C4orf50: variants seen among roughly 807,000 people sequenced by gnomAD.
The protein encoded by C4orf50 is chromosome 4 open reading frame 50.
In C4orf50, 80 loss-of-function variants were observed where a neutral mutation model predicts 77.2. The ratio of observed to expected loss-of-function variants is 1.04; its 90% CI spans 0.87 to 1.25. The LOEUF is 1.25. Ranked by LOEUF, C4orf50 falls within the 50% of genes most tolerant of loss-of-function variation. The pLI is 0.00. For synonymous variants in C4orf50, 532 were observed against 465.3 expected, an observed-to-expected ratio of 1.14 and a Z score of -1.84; for missense variants, 1,257 against 1,152.9, an observed-to-expected ratio of 1.09 and a Z score of -1.31.
At chr4:5,948,713 T>G (rs553038215) in intron 7 of C4orf50, among the ~76,000 whole-genome samples, 1 of 151,546 alleles carries the variant, frequency 6.6e-6, no homozygotes, top group South Asian at 2.1e-4. Flanking sequence ...GGGAATTGCT[T>G]GAACCGGGAG....
At position 5,938,550 on chromosome 4, in the gene C4orf50, T is replaced by C. The variant is rs564830256; in HGVS notation, c.*2474+18351A>G. Among the ~76,000 whole-genome samples, 162 of 150,734 alleles carry C rather than the reference T, an allele frequency of 1.1e-3. 2 individuals carry two copies. Among genetic ancestry groups the C allele is most frequent in the African/African-American group, 3.9e-3 (158 of 41,030 alleles). Reference sequence around the variant, plus strand: ...GAATAAGAAACAATATTAGGGTGGTTTTGTAATCAGTTTACTAGGTCCCTT... The same window carrying C: ...GAATAAGAAACAATATTAGGGTGGTCTTGTAATCAGTTTACTAGGTCCCTT... On this transcript the variant is annotated intron_variant, in intron 7 of 7. Transcript: ENST00000324058.
At chr4:5,918,845 T>A (rs1243097345) in intron 7 of C4orf50, among the ~76,000 whole-genome samples, 1 of 152,156 alleles carries the variant, frequency 6.6e-6, no homozygotes, top group Non-Finnish European at 1.5e-5. Context: ...AAAGTGTCCC[T>A]CCCTGGACCA....
intron 7 of C4orf50, among the ~76,000 whole-genome samples, chr4:5,926,326 G>A (rs1265675881): frequency 2.0e-5 from 3 of 152,164 alleles, no homozygotes; most frequent in African/African-American, 4.8e-5. Flanking sequence ...TAGGTGAAAG[G>A]AAACAGACAC....
chr4:5,917,230 G>A (rs1198585331), intron 7 of C4orf50, among the ~76,000 whole-genome samples: 1 of 152,132 alleles, frequency 6.6e-6, no homozygotes, highest in Admixed American at 6.5e-5. Flanking sequence ...ACACAGCCCT[G>A]CTTAGCCAGC....
intron 7 of C4orf50, among the ~76,000 whole-genome samples, chr4:5,918,475 G>A (rs905378983): frequency 3.3e-5 from 5 of 152,232 alleles, no homozygotes; most frequent in Admixed American, 2.0e-4. Context: ...GGATTTGCAA[G>A]TGGCTTAAGT....
chr4:5,990,128 C>T lies in C4orf50; in HGVS notation c.1918G>A (p.Glu640Lys), dbSNP rs546035776. ...ACCCTTTCCCTCCTGCTCAGGGATT[C>T]GGGACCCTCCTTTGATACTGAGGCC... Residue 640 changes from glutamate to lysine, a missense_variant, in exon 28 of 34, where the codon GAA (glutamate) becomes AAA (lysine). Transcript: ENST00000531445. 716 of 1,269,074 alleles carry T rather than the reference C, an allele frequency of 5.6e-4. 2 individuals are homozygous for T. Among genetic ancestry groups the T allele is most frequent in the Middle Eastern group, 5.1e-3 (17 of 3,310 alleles). The allele number at this position is 1,269,074 out of a possible 1,614,324, so 78.6% of individuals were successfully genotyped here.
chr4:5,986,967 A>G (rs1238841151), intron 28 of C4orf50, among the ~76,000 whole-genome samples: 2 of 152,226 alleles, frequency 1.3e-5, no homozygotes, highest in Non-Finnish European at 2.9e-5. Flanking sequence ...AACAGACTTC[A>G]TCTCAAAATG....
At chr4:5,920,519 C>T (rs1404959521) in intron 7 of C4orf50, among the ~76,000 whole-genome samples, 1 of 150,602 alleles carries the variant, frequency 6.6e-6, no homozygotes, top group African/African-American at 2.4e-5. Context: ...CTCTGTCACC[C>T]AGGCTGGAGT....
At chr4:5,934,283 T>C (rs893038331) in intron 7 of C4orf50, among the ~76,000 whole-genome samples, 2 of 152,190 alleles carry the variant, frequency 1.3e-5, no homozygotes, top group Non-Finnish European at 2.9e-5. Context: ...ACATTGGTCC[T>C]TTCCAGGTCC....
intron 7 of C4orf50, among the ~76,000 whole-genome samples, chr4:5,930,490 G>C (rs1717718625): frequency 6.6e-6 from 1 of 152,144 alleles, no homozygotes; most frequent in African/African-American, 2.4e-5. Flanking sequence ...TCATAAAGTT[G>C]CTAGAAGAAT....
At chr4:5,974,647 T>TGA (rs1251501830) in intron 30 of C4orf50, among the ~76,000 whole-genome samples, 1 of 152,152 alleles carries the variant, frequency 6.6e-6, no homozygotes, top group Non-Finnish European at 1.5e-5. Flanking sequence ...CACTCTGCCC[T>TGA]GAGGCCAGAG....
chr4:5,928,714 G>A (rs1318526030), intron 7 of C4orf50, among the ~76,000 whole-genome samples: 2 of 152,216 alleles, frequency 1.3e-5, no homozygotes, highest in Non-Finnish European at 2.9e-5. Flanking sequence ...AGTGACTTCC[G>A]GCATACAGAC....
rs558888801 is a variant in C4orf50 at position 5,970,182 on chromosome 4, C to T, written c.4105-2720G>A. Among the ~76,000 whole-genome samples, 51 of 150,614 alleles carry T rather than the reference C, an allele frequency of 3.4e-4. No individual in the cohort carries two copies. The highest frequency in any genetic ancestry group is 5.1e-4 in the African/African-American group (21 of 41,026). On this transcript the variant is annotated intron_variant, in intron 31 of 33. Transcript: ENST00000531445. The surrounding 1 kb of genome is among the most constrained non-coding windows in gnomAD (Gnocchi z 4.3). ...AAAAAGGCCCACTGGGGCTAGGGGTCGGGGGGCATAGAGAGGAAGCAAAAC... is the reference window on the plus strand; with the variant it reads ...AAAAAGGCCCACTGGGGCTAGGGGTTGGGGGGCATAGAGAGGAAGCAAAAC...
At chr4:5,917,418 T>C (rs1489228169) in intron 7 of C4orf50, among the ~76,000 whole-genome samples, 2 of 128,918 alleles carry the variant, frequency 1.6e-5, no homozygotes, top group African/African-American at 7.2e-5. Flanking sequence ...TTTTTTTTTT[T>C]TTTTTTTTTT....
At chr4:5,931,200 G>A (rs1277454674) in intron 7 of C4orf50, among the ~76,000 whole-genome samples, 1 of 152,176 alleles carries the variant, frequency 6.6e-6, no homozygotes, top group Non-Finnish European at 1.5e-5. Context: ...CAGACTCAAA[G>A]TCCAGGCTAC....
chr4:5,938,771 T>G (rs1027744820), intron 7 of C4orf50, among the ~76,000 whole-genome samples: 1 of 149,904 alleles, frequency 6.7e-6, no homozygotes, highest in South Asian at 2.1e-4. Flanking sequence ...CCTTTCATAA[T>G]GTGATGTCAG....
chr4:5,918,472 C>T (rs1717126239), intron 7 of C4orf50, among the ~76,000 whole-genome samples: 1 of 152,184 alleles, frequency 6.6e-6, no homozygotes, highest in South Asian at 2.1e-4. Flanking sequence ...TAAGGATTTG[C>T]AAGTGGCTTA....
intron 28 of C4orf50, among the ~76,000 whole-genome samples, chr4:5,985,003 G>A (rs985413079): frequency 3.9e-5 from 6 of 152,218 alleles, no homozygotes; most frequent in South Asian, 2.1e-4. Flanking sequence ...ATTTTAGGGG[G>A]AGTGAGGGAG....
chr4:5,983,599 A>G (rs369781771), intron 28 of C4orf50, among the ~76,000 whole-genome samples: 2 of 152,178 alleles, frequency 1.3e-5, no homozygotes, highest in African/African-American at 4.8e-5. Flanking sequence ...TATACAAGTA[A>G]TGCTTTGCAG....
Sources: gnomAD v4.1 joint callset for allele counts (sites outside exome capture counted in the v4.1 genomes callset) on GRCh38, gnomAD v4.1.1 for gene constraint, Gnocchi (gnomAD v3.1) non-coding constraint, MANE v1.5 for transcripts, NCBI Gene and HGNC (gene_info 2026-07-23, HGNC 2026-07-21) for gene names.